Variants in SH2B2 observed in about 807,000 individuals in gnomAD.
The protein encoded by SH2B2 is SH2B adaptor protein 2, also known as SH2B adapter protein 2.
SH2B2 carries 37 observed loss-of-function variants against 35.7 expected under a neutral mutation model. The ratio of observed to expected loss-of-function variants is 1.04; its 90% CI spans 0.80 to 1.36. The LOEUF (loss-of-function observed/expected upper bound fraction) is 1.36, where lower values mean the gene tolerates loss of function less well. Ranked by LOEUF, SH2B2 falls within the 40% of genes most tolerant of loss-of-function variation. The pLI is 0.00. For missense variants in SH2B2, 852 were observed against 817.7 expected, an observed-to-expected ratio of 1.04 and a Z score of -0.51; for synonymous variants, 383 against 376.4, an observed-to-expected ratio of 1.02 and a Z score of -0.20.
rs978146172 is a variant in SH2B2, at chr7:102,314,613, G to A, written c.1117G>A (p.Val373Ile). Residue 373 changes from valine to isoleucine, a missense_variant, in exon 6 of 9, where the codon GTC becomes ATC. Around this residue, in one of 3 missense-constraint regions of SH2B2, gnomAD observed 556 missense variants for 514.5 expected, o/e 1.08. Transcript: ENST00000444095. ...TGCCGTCAGAGAATCCCTGATCCAC[G>A]TCCCGCTAGAGACCTTTCTGCAGAC... ...RDAVRESLIH[V>I]PLETFLQTLE... 7.0e-5 allele frequency: 28 copies of A among 398,358 alleles called. No homozygotes were observed. The highest frequency in any genetic ancestry group is 1.6e-4 in the African/African-American group (8 of 48,528). 24.7% of individuals were successfully genotyped at this position (398,358 alleles called of 1,614,324 possible).
Position 102,317,355 on chromosome 7 carries a change from G to A in SH2B2, c.1355G>A (p.Gly452Glu), listed in dbSNP as rs1793886031. ...FVIRQSETRP[G>E]EYVLTFNFQG... ...ATCCGCCAAAGTGAGACTCGGCCTG[G>A]GGAGTACGTGCTGACCTTCAACTTC... is the stretch of plus-strand genomic sequence containing the variant. Residue 452 changes from glycine (G) to glutamate (E), a missense_variant, in exon 7 of 9, where the codon GGG becomes GAG. Gly to Glu is a moderately conservative substitution (Grantham distance 98). Transcript: ENST00000444095. 3 of 1,606,092 alleles carry A rather than the reference G, an allele frequency of 1.9e-6. No individual in the cohort carries two copies. The highest frequency in any genetic ancestry group is 1.1e-5 in the South Asian group (1 of 90,478).
chr7:102,314,456 G>A (rs977820187), intron 5 of SH2B2, 29 bp downstream of exon 5: 8 of 398,564 alleles, frequency 2.0e-5, no homozygotes, highest in African/African-American at 1.2e-4. Flanking sequence ...TTGAAGGAGG[G>A]GCACACTCAG....
chr7:102,313,887 G>A (rs1793717414), intron 4 of SH2B2, among the ~76,000 whole-genome samples: 1 of 151,940 alleles, frequency 6.6e-6, no homozygotes, highest in African/African-American at 2.4e-5. Flanking sequence ...CTCCAGCCCT[G>A]GCAACAGAGT....
In SH2B2 at chr7:102,289,083, G is replaced by A. The variant is rs553484694; in HGVS notation, c.-30+1989G>A. Among the ~76,000 whole-genome samples the A allele has an allele frequency of 4.1e-4, 62 of 152,330 alleles. No individual in the cohort carries two copies. The Middle Eastern group carries it at 0.01, about 25-fold the overall frequency. On this transcript the variant is annotated intron_variant, in intron 1 of 8. Coordinates refer to ENST00000444095, the MANE Select transcript of SH2B2 (RefSeq NM_001359228.2). ...TTTTATGGCTATGCTCTGTCTAGGG[G>A]GATAGCAGGTGTGACCCCTCAACAC...
intron 1 of SH2B2, among the ~76,000 whole-genome samples, chr7:102,293,626 CCTTT>C (rs782155545): frequency 4.6e-5 from 7 of 152,018 alleles, no homozygotes; most frequent in Non-Finnish European, 1.0e-4. Flanking sequence ...GGCTGGGCTT[CCTTT>C]GTCTCCAACG....
Position 102,320,375 on chromosome 7 carries a change from G to A in SH2B2, c.1440G>A (p.Gln480=). Residue 480 remains glutamine, a synonymous_variant, in exon 8 of 9, where the codon CAG becomes CAA. Coordinates refer to ENST00000444095, the MANE Select transcript of SH2B2 (RefSeq NM_001359228.2). ...SLNGHGQCHV[Q]HLWFQSVLDM... The stretch of plus-strand genomic sequence containing the variant: ...ACGGCCACGGCCAGTGTCACGTACA[G>A]CATCTGTGGTTCCAGTCTGTGCTTG... 2.5e-6 allele frequency: 4 copies of A among 1,613,260 alleles called. No individual in the cohort carries two copies. Among genetic ancestry groups the A allele is most frequent in the South Asian group, 1.1e-5 (1 of 91,084 alleles).
chr7:102,310,211 G>C (rs1554555793), intron 4 of SH2B2, among the ~76,000 whole-genome samples: 1 of 152,186 alleles, frequency 6.6e-6, no homozygotes, highest in East Asian at 1.9e-4. Flanking sequence ...AGCTACTCGA[G>C]AGGCTGAGGC....
Position 102,301,275 on chromosome 7 carries a change from C to A in SH2B2, c.725C>A (p.Pro242His). The A allele has an allele frequency of 6.2e-7, 1 of 1,603,170 alleles. No homozygotes were observed. Among genetic ancestry groups the A allele is most frequent in the Non-Finnish European group, 8.5e-7 (1 of 1,175,432 alleles). ...ERFRLEFFVP[P>H]KASRPKVSIP... ...TTCCGCCTGGAGTTCTTCGTGCCGC[C>A]CAAAGTGAGTTACCCCATAATCCCA... The change falls in exon 2 of 9, where the codon CCC becomes CAC. Residue 242 changes from proline to histidine, a missense_variant. Transcript: ENST00000444095.
chr7:102,317,950 G>A (rs995838971), intron 7 of SH2B2, among the ~76,000 whole-genome samples: 1 of 152,074 alleles, frequency 6.6e-6, no homozygotes, highest in South Asian at 2.1e-4. Context: ...CAGGGTCTAG[G>A]GGGTGGGGTT....
At chr7:102,321,265 TC>T in intron 8 of SH2B2, 33 bp from the exon 9 acceptor site, 1 of 1,340,144 alleles carries the variant, frequency 7.5e-7, no homozygotes, top group Non-Finnish European at 9.5e-7. Flanking sequence ...CCAGCCCAGG[TC>T]CCCACTCACG....
At chr7:102,319,669 C>T (rs1348484100) in intron 7 of SH2B2, among the ~76,000 whole-genome samples, 1 of 151,996 alleles carries the variant, frequency 6.6e-6, no homozygotes, top group African/African-American at 2.4e-5. Context: ...CCACTTGTTT[C>T]TGCAGTGGGA....
rs782049622 is a variant in SH2B2 at position 102,321,454 on chromosome 7, T to C, written c.1723T>C (p.Ser575Pro). 8.9e-6 allele frequency: 11 copies of C among 1,237,528 alleles called. No homozygotes were observed. The South Asian group carries it at 2.8e-4, about 31-fold the overall frequency. The allele number at this position is 1,237,528 out of a possible 1,614,324, so 76.7% of individuals were successfully genotyped here. The change falls in exon 9 of 9, where the codon TCT becomes CCT. Residue 575 changes from serine (S) to proline (P), a missense_variant. By Grantham distance (74) the Ser-to-Pro change is moderately conservative (BLOSUM62 -1). Around this residue, in one of 3 missense-constraint regions of SH2B2, gnomAD observed 556 missense variants for 514.5 expected, o/e 1.08. Transcript: ENST00000444095. ...GASSSSASSS[S>P]AASGPAPPRP... ...CTCCTCGTCTTCCGCCTCGTCGTCCTCTGCCGCGTCGGGGCCCGCCCCCCC... is the reference window on the plus strand; with the variant it reads ...CTCCTCGTCTTCCGCCTCGTCGTCCCCTGCCGCGTCGGGGCCCGCCCCCCC...
chr7:102,296,378 G>A (rs1158664895), intron 1 of SH2B2, among the ~76,000 whole-genome samples: 1 of 152,222 alleles, frequency 6.6e-6, no homozygotes, highest in African/African-American at 2.4e-5. Context: ...GGACAGGCGA[G>A]GGCATGATCC....
intron 1 of SH2B2, among the ~76,000 whole-genome samples, chr7:102,296,855 T>G (rs1554552568): frequency 2.0e-5 from 3 of 152,142 alleles, no homozygotes; most frequent in Non-Finnish European, 4.4e-5. Flanking sequence ...AGCTCTTGCC[T>G]GTAGTCTGAG....
chr7:102,295,912 T>C (rs952617768), intron 1 of SH2B2, among the ~76,000 whole-genome samples: 1 of 152,080 alleles, frequency 6.6e-6, no homozygotes, highest in Non-Finnish European at 1.5e-5. Flanking sequence ...CAACTGCCAA[T>C]GTCCTGATAA....
At chr7:102,300,275 C>G (rs1381598134) in intron 1 of SH2B2, among the ~76,000 whole-genome samples, 1 of 152,204 alleles carries the variant, frequency 6.6e-6, no homozygotes, top group Non-Finnish European at 1.5e-5. Context: ...GGTGATCCAC[C>G]CACCTCGGCC....
At position 102,306,640 on chromosome 7, in the gene SH2B2, C is replaced by G. The variant is rs1056111683; in HGVS notation, c.730-81C>G. 17 of 1,038,770 alleles carry G rather than the reference C, an allele frequency of 1.6e-5. No homozygotes were observed. The Admixed American group carries it at 3.0e-4, about 18-fold the overall frequency. 64.3% of individuals were successfully genotyped at this position (1,038,770 alleles called of 1,614,324 possible). On this transcript the variant is annotated intron_variant, in intron 2 of 8. Coordinates refer to ENST00000444095, the MANE Select transcript of SH2B2 (RefSeq NM_001359228.2). ...TGTGGCAGTCTATTTGAGGGCCACT[C>G]TAACACCTGGCAGCGGGGAGGGGAT...
chr7:102,318,986 G>C (rs1334464156), intron 7 of SH2B2, among the ~76,000 whole-genome samples: 1 of 152,144 alleles, frequency 6.6e-6, no homozygotes, highest in Non-Finnish European at 1.5e-5. Context: ...CCTGGAACAA[G>C]ACCCAGCCTT....
At chr7:102,291,278 C>A (rs1792661693) in intron 1 of SH2B2, among the ~76,000 whole-genome samples, 1 of 152,236 alleles carries the variant, frequency 6.6e-6, no homozygotes, top group South Asian at 2.1e-4. Context: ...GGCTCCCACC[C>A]TCCCGTGGCG....
Sources: gnomAD v4.1 joint callset for allele counts (sites outside exome capture counted in the v4.1 genomes callset) on GRCh38, gnomAD v4.1.1 for gene constraint, gnomAD v4.1.1 regional missense constraint, MANE v1.5 for transcripts, NCBI Gene and HGNC (gene_info 2026-07-23, HGNC 2026-07-21) for gene names.